TG: variants seen among roughly 807,000 people sequenced by gnomAD.
TG encodes the protein thyroid hormones.
TG carries 270 observed loss-of-function variants against 324.7 expected under a neutral mutation model. The observed-to-expected ratio is 0.83, with a 90% CI of 0.75 to 0.92. TG has a LOEUF of 0.92. TG is among the 40% of genes least tolerant of loss of function. TG has a pLI of 0.00. For missense variants in TG, 3,591 were observed against 3,456.4 expected (o/e 1.04, Z -0.98); for synonymous variants, 1,401 against 1,327.0 (o/e 1.06, Z -1.21).
intron 46 of TG, among the ~76,000 whole-genome samples, chr8:133,132,517 C>T (rs1052187863): frequency 5.9e-5 from 9 of 152,194 alleles, no homozygotes; most frequent in Non-Finnish European, 1.2e-4. Context: ...GAAGTATACT[C>T]GCTGTCCCCA....
chr8:133,128,020 A>G (rs571649705), intron 45 of TG, among the ~76,000 whole-genome samples: 23 of 152,334 alleles, frequency 1.5e-4, no homozygotes, highest in African/African-American at 4.8e-4. Flanking sequence ...TGCCTGGAAT[A>G]AATGGTATTT....
chr8:133,069,953 A>C (rs535869625), intron 41 of TG, among the ~76,000 whole-genome samples: 1 of 136,802 alleles, frequency 7.3e-6, no homozygotes, highest in Non-Finnish European at 1.5e-5. Context: ...GTGAGCCGAG[A>C]TTGTGCCACT....
rs955304649 is a variant in TG at position 133,085,703 on chromosome 8, T to C, written c.7240-9341T>C. On this transcript the variant is annotated intron_variant, in intron 41 of 47. Coordinates refer to ENST00000220616, the MANE Select transcript of TG (RefSeq NM_003235.5). ...TAGGATGCCTATAATAATAACAATT[T>C]TTAAAAACCAGATTGTAAGCATTAC... Among the ~76,000 whole-genome samples, 15 of 152,342 alleles carry C rather than the reference T, an allele frequency of 9.8e-5. 1 individual carries two copies. Among genetic ancestry groups the C allele is most frequent in the Admixed American group, 5.9e-4 (9 of 15,304 alleles).
At chr8:132,969,139 C>T (rs1361935168) in intron 31 of TG, among the ~76,000 whole-genome samples, 1 of 152,162 alleles carries the variant, frequency 6.6e-6, no homozygotes, top group Non-Finnish European at 1.5e-5. Flanking sequence ...TTCCAGAGGG[C>T]AGATGGCGTT....
chr8:132,869,827 G>GT lies in TG; in HGVS notation c.274+2dup. The GT allele has an allele frequency of 6.2e-7, 1 of 1,613,720 alleles. No homozygotes were observed. The highest frequency in any genetic ancestry group is 8.5e-7 in the Non-Finnish European group (1 of 1,179,876). On this transcript the variant is annotated splice_donor_variant, in intron 3 of 47. Coordinates refer to ENST00000220616, the MANE Select transcript of TG (RefSeq NM_003235.5). LOFTEE classifies it high-confidence loss of function. ...AGGCAGCCAGGACGGCCTGTGGCTTGTAAGTGGGAGTGGGGGACGTCCCTT... is the reference window on the plus strand; with the variant it reads ...AGGCAGCCAGGACGGCCTGTGGCTTGTTAAGTGGGAGTGGGGGACGTCCCTT...
intron 24 of TG, among the ~76,000 whole-genome samples, chr8:132,935,334 G>A (rs543858665): frequency 6.6e-5 from 10 of 151,754 alleles, no homozygotes; most frequent in Non-Finnish European, 8.8e-5. Context: ...AGCAGAGATG[G>A]GGTCTCAACA....
At chr8:133,089,041 T>C (rs1394812260) in intron 41 of TG, among the ~76,000 whole-genome samples, 1 of 152,216 alleles carries the variant, frequency 6.6e-6, no homozygotes, top group Non-Finnish European at 1.5e-5. Context: ...CACGACACCT[T>C]GGTGGCACCT....
At chr8:132,962,937 C>T (rs1827972170) in intron 28 of TG, 57 bp from the exon 29 acceptor site, 32 of 1,509,946 alleles carry the variant, frequency 2.1e-5, no homozygotes, top group Non-Finnish European at 2.9e-5. Flanking sequence ...TTTTGTTGAC[C>T]AGTGGAGTAC....
At chr8:132,998,365 C>A (rs1418315604) in intron 35 of TG, among the ~76,000 whole-genome samples, 1 of 152,118 alleles carries the variant, frequency 6.6e-6, no homozygotes, top group Non-Finnish European at 1.5e-5. Context: ...AGAGAGGGGA[C>A]CAACTGATCA....
At chr8:132,876,194 G>T (rs1401573515) in intron 5 of TG, among the ~76,000 whole-genome samples, 1 of 152,044 alleles carries the variant, frequency 6.6e-6, no homozygotes, top group Non-Finnish European at 1.5e-5. Context: ...CACTAGTCCA[G>T]GCAAGAGACG....
intron 45 of TG, among the ~76,000 whole-genome samples, chr8:133,117,755 C>T (rs1850813511): frequency 6.6e-6 from 1 of 152,188 alleles, no homozygotes; most frequent in South Asian, 2.1e-4. Flanking sequence ...GGAGCAAGGC[C>T]TGCCATCTGG....
intron 11 of TG, among the ~76,000 whole-genome samples, chr8:132,894,862 T>C (rs930959675): frequency 1.1e-4 from 16 of 152,214 alleles, no homozygotes; most frequent in African/African-American, 3.9e-4. Flanking sequence ...AGGAGAATGA[T>C]GGTATAATCA....
At chr8:133,017,615 T>C in intron 37 of TG, 163 bp from the exon 38 acceptor site, 1 of 721,482 alleles carries the variant, frequency 1.4e-6, no homozygotes, top group South Asian at 1.7e-5. Context: ...ATTGAAAACC[T>C]GACTACATTT....
Position 132,935,874 on chromosome 8 carries a change from T to A in TG, c.5041+10T>A, listed in dbSNP as rs765725561. On this transcript the variant is annotated intron_variant, in intron 25 of 47. Transcript: ENST00000220616. ...GTGTATTTGAAAAAGGGTAGGTTGG[T>A]CAGGCTGGTTGGCTTAGGCCCGCGG... 1.9e-6 allele frequency: 3 copies of A among 1,610,088 alleles called. No individual in the cohort carries two copies. Among genetic ancestry groups the A allele is most frequent in the Non-Finnish European group, 1.7e-6 (2 of 1,178,552 alleles).
At chr8:132,976,025 A>G (rs778401657) in intron 34 of TG, among the ~76,000 whole-genome samples, 17 of 152,184 alleles carry the variant, frequency 1.1e-4, no homozygotes, top group Non-Finnish European at 2.4e-4. Flanking sequence ...AGATATATTC[A>G]TTTTCCTTAG....
intron 41 of TG, among the ~76,000 whole-genome samples, chr8:133,085,809 G>A (rs934737627): frequency 6.6e-6 from 1 of 152,156 alleles, no homozygotes; most frequent in Non-Finnish European, 1.5e-5. Context: ...AAACAGTTTG[G>A]CAACTTCTCA....
chr8:132,923,374 A>C lies in TG; in HGVS notation c.4565A>C (p.Gln1522Pro), dbSNP rs1821376975. 1 of 1,614,032 alleles carries C rather than the reference A, an allele frequency of 6.2e-7. No individual in the cohort carries two copies. The highest frequency in any genetic ancestry group is 1.7e-5 in the Admixed American group (1 of 60,002). Residue 1522 changes from glutamine (Q) to proline (P), a missense_variant, in exon 22 of 48, where the codon CAA (glutamine) becomes CCA (proline). Gln to Pro is a moderately conservative substitution (Grantham distance 76). Coordinates refer to ENST00000220616, the MANE Select transcript of TG (RefSeq NM_003235.5). ...TGTCAGAGGAACGAAGCAGGCCTGCAATGTGACCAGAATGGCCAGTATCGA... is the reference window on the plus strand; with the variant it reads ...TGTCAGAGGAACGAAGCAGGCCTGCCATGTGACCAGAATGGCCAGTATCGA... ...TDCQRNEAGL[Q>P]CDQNGQYRAS...
rs543680969 is a variant in TG at position 132,900,699 on chromosome 8, T to A, written c.3433+360T>A. Among the ~76,000 whole-genome samples, 61 of 152,310 alleles carry A rather than the reference T, an allele frequency of 4.0e-4. 1 individual carries two copies. In the South Asian group the frequency reaches 0.012, roughly 31 times the overall value. Reference sequence around the variant, plus strand: ...CCCAGGTGATGTCCCCAAAGGGCAATGTGCAGATGTCCCTCTTCTGCCTAA... The same window carrying A: ...CCCAGGTGATGTCCCCAAAGGGCAAAGTGCAGATGTCCCTCTTCTGCCTAA... On this transcript the variant is annotated intron_variant, in intron 15 of 47. Transcript: ENST00000220616.
In TG at chr8:132,948,920, T is replaced by G. The variant is rs750788940; in HGVS notation, c.5378T>G (p.Leu1793Arg). The G allele has an allele frequency of 1.2e-6, 2 of 1,613,976 alleles. No homozygotes were observed. Among genetic ancestry groups the G allele is most frequent in the Admixed American group, 3.3e-5 (2 of 60,030 alleles). ...DQESHQVILR[L>R]GDQEFIKSLT... ...GAGAGCCACCAGGTGATATTGCGTC[T>G]TGGAGACCAGGAGTTCATCAAGAGT... The change falls in exon 27 of 48, where the codon CTT becomes CGT. Residue 1793 changes from leucine to arginine, a missense_variant. By Grantham distance (102) the Leu-to-Arg change is moderately radical. Coordinates refer to ENST00000220616, the MANE Select transcript of TG (RefSeq NM_003235.5).
Sources: gnomAD v4.1 joint callset for allele counts (sites outside exome capture counted in the v4.1 genomes callset) on GRCh38, gnomAD v4.1.1 for gene constraint, MANE v1.5 for transcripts, NCBI Gene and HGNC (gene_info 2026-07-23, HGNC 2026-07-21) for gene names.